LTBP1: variants seen among roughly 807,000 people sequenced by gnomAD.
LTBP1 encodes latent-transforming growth factor beta-binding protein 1.
In LTBP1, 129 loss-of-function variants were observed where a neutral mutation model predicts 207.6. The observed-to-expected ratio is 0.62, with a 90% CI of 0.54 to 0.72. LTBP1 has a LOEUF of 0.72. LTBP1 is among the 30% of genes least tolerant of loss of function. The probability of loss-of-function intolerance (pLI) is 0.00; values close to 1 mark genes in which losing one functional copy is unlikely to be tolerated. For missense variants in LTBP1, 2,281 were observed against 2,217.2 expected (o/e 1.03, Z -0.58); for synonymous variants, 963 against 833.7 (o/e 1.16, Z -2.67).
intron 5 of LTBP1, among the ~76,000 whole-genome samples, chr2:33,184,784 T>C (rs2087015513): frequency 3.5e-5 from 5 of 143,752 alleles, no homozygotes; most frequent in Admixed American, 1.4e-4. Flanking sequence ...ATTTTCTGTT[T>C]TTTTTTTTTT....
At position 33,057,463 on chromosome 2, in the gene LTBP1, G is replaced by A. The variant is rs544592046; in HGVS notation, c.863+36257G>A. ...CCTTGGGCAGTCGATGGGACTGGGC[G>A]CCGTGGAGCAGGGGGCAGCTCTCAT... On this transcript the variant is annotated intron_variant, in intron 3 of 33. Transcript: ENST00000404816. Among the ~76,000 whole-genome samples the A allele has an allele frequency of 1.1e-4, 17 of 152,356 alleles. No homozygotes were observed. In the East Asian group the frequency reaches 2.1e-3, roughly 19 times the overall value.
At chr2:32,964,886 A>G (rs968293817) in intron 2 of LTBP1, among the ~76,000 whole-genome samples, 12 of 152,220 alleles carry the variant, frequency 7.9e-5, no homozygotes, top group African/African-American at 2.9e-4. Flanking sequence ...CTAAAAATAT[A>G]AAAATTAGCT....
rs192504470 is a variant in LTBP1 at position 33,041,571 on chromosome 2, C to T, written c.863+20365C>T. ...TGCTGGGATTATAGGCGTGAGCCAC[C>T]GTGCCTGGCCCAGACTGTGTCTTTT... is the stretch of plus-strand genomic sequence containing the variant. On this transcript the variant is annotated intron_variant, in intron 3 of 33. Coordinates refer to ENST00000404816, the MANE Select transcript of LTBP1 (RefSeq NM_206943.4). Among the ~76,000 whole-genome samples the T allele has an allele frequency of 3.9e-4, 59 of 152,184 alleles. 1 individual carries two copies. Among genetic ancestry groups the T allele is most frequent in the African/African-American group, 1.3e-3 (55 of 41,434 alleles).
intron 15 of LTBP1, among the ~76,000 whole-genome samples, chr2:33,271,072 T>C (rs1319171861): frequency 1.3e-5 from 2 of 152,214 alleles, no homozygotes; most frequent in African/African-American, 2.4e-5. Context: ...CATAGGAATA[T>C]ATCACATTTT....
At chr2:33,387,476 C>T (rs1242986182) in intron 31 of LTBP1, among the ~76,000 whole-genome samples, 3 of 152,164 alleles carry the variant, frequency 2.0e-5, no homozygotes, top group African/African-American at 4.8e-5. Context: ...AGTGCTGGGA[C>T]GCCTGGAGTC....
intron 16 of LTBP1, among the ~76,000 whole-genome samples, chr2:33,274,303 T>C (rs1330486221): frequency 6.6e-6 from 1 of 150,830 alleles, no homozygotes; most frequent in Non-Finnish European, 1.5e-5. Flanking sequence ...TAGAGTTAAA[T>C]AAATCATTTT....
chr2:33,016,210 A>G (rs1688357325), intron 2 of LTBP1, among the ~76,000 whole-genome samples: 1 of 152,126 alleles, frequency 6.6e-6, no homozygotes, highest in Non-Finnish European at 1.5e-5. Flanking sequence ...TGGGAATCCC[A>G]GAGGTTGGGT....
At chr2:33,076,500 C>A (rs1190193406) in intron 3 of LTBP1, among the ~76,000 whole-genome samples, 1 of 150,662 alleles carries the variant, frequency 6.6e-6, no homozygotes, top group Non-Finnish European at 1.5e-5. Flanking sequence ...TGACTGTTAG[C>A]GAGGGAGGGG....
chr2:33,151,369 C>T (rs982872005), intron 5 of LTBP1, among the ~76,000 whole-genome samples: 4 of 152,178 alleles, frequency 2.6e-5, no homozygotes, highest in Non-Finnish European at 4.4e-5. Flanking sequence ...TTCCCACCAG[C>T]AGTGTGTGAG....
At chr2:33,054,825 T>C (rs2076909976) in intron 3 of LTBP1, among the ~76,000 whole-genome samples, 2 of 152,178 alleles carry the variant, frequency 1.3e-5, no homozygotes, top group South Asian at 4.1e-4. Flanking sequence ...CCAGGCACCC[T>C]CAGTCCTGTT....
intron 5 of LTBP1, among the ~76,000 whole-genome samples, chr2:33,176,724 G>C (rs549134705): frequency 6.6e-6 from 1 of 152,264 alleles, no homozygotes; most frequent in East Asian, 1.9e-4. Flanking sequence ...GCAGGCATGA[G>C]CAGGCTTGAG....
At chr2:33,141,590 A>T (rs1440594043) in intron 5 of LTBP1, among the ~76,000 whole-genome samples, 1 of 152,122 alleles carries the variant, frequency 6.6e-6, no homozygotes, top group African/African-American at 2.4e-5. Flanking sequence ...GAGAAGGGGG[A>T]TGGAGAATGG....
intron 16 of LTBP1, 37 bp downstream of exon 16, chr2:33,273,818 C>G: frequency 6.5e-7 from 1 of 1,549,460 alleles, no homozygotes; most frequent in Non-Finnish European, 8.7e-7. Flanking sequence ...TATTAAATAT[C>G]AAACATTTGA....
intron 2 of LTBP1, among the ~76,000 whole-genome samples, chr2:32,978,430 CA>C (rs1374614309): frequency 2.0e-5 from 3 of 151,880 alleles, no homozygotes; most frequent in Non-Finnish European, 4.4e-5. Flanking sequence ...TGAATTTTAT[CA>C]AATGTTTTTT....
intron 7 of LTBP1, among the ~76,000 whole-genome samples, chr2:33,212,253 C>G (rs913355280): frequency 1.3e-5 from 2 of 152,178 alleles, no homozygotes; most frequent in African/African-American, 2.4e-5. Flanking sequence ...ACTGCTGAAT[C>G]AAGGCTGGGA....
intron 2 of LTBP1, among the ~76,000 whole-genome samples, chr2:32,952,422 G>A (rs1677282551): frequency 6.6e-6 from 1 of 152,188 alleles, no homozygotes; most frequent in Non-Finnish European, 1.5e-5. Flanking sequence ...GGATCCCTAG[G>A]AATCGAAATT....
chr2:32,993,437 A>G (rs1684740349), intron 2 of LTBP1, among the ~76,000 whole-genome samples: 1 of 152,166 alleles, frequency 6.6e-6, no homozygotes, highest in South Asian at 2.1e-4. Flanking sequence ...TCTCTCTCAT[A>G]TATACAAGTT....
intron 2 of LTBP1, among the ~76,000 whole-genome samples, chr2:32,963,149 T>A (rs922399256): frequency 4.6e-5 from 7 of 152,218 alleles, no homozygotes; most frequent in Admixed American, 6.5e-5. Context: ...TTTTCCCCAG[T>A]TTCAGATGGG....
At chr2:33,251,520 C>T (rs1467679233) in intron 10 of LTBP1, among the ~76,000 whole-genome samples, 1 of 152,006 alleles carries the variant, frequency 6.6e-6, no homozygotes, top group Admixed American at 6.6e-5. Context: ...ACAAAATTAG[C>T]CGGGTGTGGT....
Sources: gnomAD v4.1 joint callset for allele counts (sites outside exome capture counted in the v4.1 genomes callset) on GRCh38, gnomAD v4.1.1 for gene constraint, MANE v1.5 for transcripts, NCBI Gene and HGNC (gene_info 2026-07-23, HGNC 2026-07-21) for gene names.